NPAS3: variants seen among roughly 807,000 people sequenced by gnomAD.
NPAS3 encodes neuronal PAS domain protein 3.
Under a neutral mutation model 73.1 loss-of-function variants are expected in NPAS3, and 14 were observed. The ratio of observed to expected loss-of-function variants is 0.19; its 90% CI spans 0.13 to 0.30. NPAS3 has a LOEUF of 0.30. Among genes scored for constraint, NPAS3 ranks in the 10% least tolerant of loss-of-function variants. The pLI is 1.00. For missense variants in NPAS3, 1,096 were observed against 1,250.0 expected (o/e 0.88, Z 1.86); for synonymous variants, 620 against 541.5 (o/e 1.14, Z -2.01).
intron 5 of NPAS3, among the ~76,000 whole-genome samples, chr14:33,587,822 A>G (rs1176877700): frequency 6.6e-6 from 1 of 152,196 alleles, no homozygotes; most frequent in African/African-American, 2.4e-5. Context: ...TATCATATAA[A>G]AGTCTAAATC....
chr14:33,789,555 C>T (rs1174580859), intron 9 of NPAS3, among the ~76,000 whole-genome samples: 1 of 139,302 alleles, frequency 7.2e-6, no homozygotes, highest in African/African-American at 2.6e-5. Flanking sequence ...TTGGGATCCT[C>T]AAACTAAAAG....
rs564274625 is a variant in NPAS3 at position 32,998,251 on chromosome 14, C to T, written c.51-57654C>T. Among the ~76,000 whole-genome samples, 15 of 152,264 alleles carry T rather than the reference C, an allele frequency of 9.9e-5. 1 individual carries two copies. Among genetic ancestry groups the T allele is most frequent in the South Asian group, 6.2e-4 (3 of 4,824 alleles). On this transcript the variant is annotated intron_variant, in intron 1 of 11. Transcript: ENST00000356141. The stretch of plus-strand genomic sequence containing the variant: ...CCAGTGTGGATGAACCTCGAAACCA[C>T]GCTAAGTGAAAGAAGCCAGAAACAA...
intron 1 of NPAS3, among the ~76,000 whole-genome samples, chr14:32,965,511 C>CT (rs2037114835): frequency 6.6e-6 from 1 of 152,116 alleles, no homozygotes. Context: ...TTCAATGTTT[C>CT]TTTATTATAA....
chr14:33,570,433 C>T (rs1285962361), intron 5 of NPAS3, among the ~76,000 whole-genome samples: 1 of 152,130 alleles, frequency 6.6e-6, no homozygotes, highest in Admixed American at 6.5e-5. Flanking sequence ...GAAAAGTCTA[C>T]ACATCCCTGA....
At chr14:33,697,328 A>C (rs778102678) in intron 6 of NPAS3, among the ~76,000 whole-genome samples, 1 of 152,230 alleles carries the variant, frequency 6.6e-6, no homozygotes, top group Admixed American at 6.5e-5. Context: ...CAGAGCTTAC[A>C]TAACAGAGAA....
intron 4 of NPAS3, among the ~76,000 whole-genome samples, chr14:33,384,421 T>TA (rs771634862): frequency 0.016 from 2,276 of 146,228 alleles, 31 homozygotes; most frequent in African/African-American, 0.044. Flanking sequence ...TGTGTTTTTT[T>TA]AAAAAAAAAA....
intron 4 of NPAS3, among the ~76,000 whole-genome samples, chr14:33,481,563 T>C (rs775995357): frequency 2.6e-5 from 4 of 152,204 alleles, no homozygotes; most frequent in Non-Finnish European, 5.9e-5. Context: ...GATCATTTAC[T>C]GACATGGATT....
At chr14:33,443,125 A>G (rs2049328108) in intron 4 of NPAS3, among the ~76,000 whole-genome samples, 1 of 152,144 alleles carries the variant, frequency 6.6e-6, no homozygotes, top group East Asian at 1.9e-4. Flanking sequence ...CCTTTACTCA[A>G]GTTATTATTG....
intron 4 of NPAS3, among the ~76,000 whole-genome samples, chr14:33,554,347 C>T (rs2055256418): frequency 6.6e-6 from 1 of 152,190 alleles, no homozygotes; most frequent in Non-Finnish European, 1.5e-5. Flanking sequence ...TTGAGTATGT[C>T]AGAGATTATA....
At chr14:33,155,371 G>A (rs1374565969) in intron 2 of NPAS3, among the ~76,000 whole-genome samples, 1 of 152,048 alleles carries the variant, frequency 6.6e-6, no homozygotes, top group African/African-American at 2.4e-5. Flanking sequence ...TTTTCTCCTG[G>A]GTATTTTCAA....
chr14:33,075,387 A>G (rs1197981485), intron 2 of NPAS3, among the ~76,000 whole-genome samples: 8 of 152,204 alleles, frequency 5.3e-5, no homozygotes, highest in Non-Finnish European at 8.8e-5. Context: ...TATTTTTGCA[A>G]TTTATATTTT....
chr14:33,587,764 G>A (rs2056916470), intron 5 of NPAS3, among the ~76,000 whole-genome samples: 1 of 152,150 alleles, frequency 6.6e-6, no homozygotes, highest in East Asian at 1.9e-4. Flanking sequence ...CATTTGGGTT[G>A]GATCACTTTA....
chr14:32,947,780 G>A (rs1319230276), intron 1 of NPAS3, among the ~76,000 whole-genome samples: 1 of 152,030 alleles, frequency 6.6e-6, no homozygotes, highest in Non-Finnish European at 1.5e-5. Context: ...AATGCTGTAA[G>A]GCAAAGTAGG....
chr14:33,459,229 C>G (rs574562143), intron 4 of NPAS3, among the ~76,000 whole-genome samples: 101 of 152,254 alleles, frequency 6.6e-4, no homozygotes, highest in African/African-American at 2.4e-3. Flanking sequence ...TGCCGACCTC[C>G]CATCTCATCC....
At chr14:33,482,581 G>A (rs1594996012) in intron 4 of NPAS3, among the ~76,000 whole-genome samples, 3 of 152,238 alleles carry the variant, frequency 2.0e-5, no homozygotes, top group South Asian at 4.1e-4. Context: ...TCTAAAACCC[G>A]AATTTTCAGA....
intron 2 of NPAS3, among the ~76,000 whole-genome samples, chr14:33,166,081 G>T (rs150722160): frequency 6.6e-6 from 1 of 152,258 alleles, no homozygotes; most frequent in Non-Finnish European, 1.5e-5. Flanking sequence ...CACTACTGTC[G>T]GTGCTGTGCT....
chr14:33,477,877 C>T (rs143976334), intron 4 of NPAS3, among the ~76,000 whole-genome samples: 3 of 152,330 alleles, frequency 2.0e-5, no homozygotes, highest in Admixed American at 2.0e-4. Flanking sequence ...AATGCTTCTT[C>T]TGTGGTCATT....
intron 4 of NPAS3, among the ~76,000 whole-genome samples, chr14:33,523,895 C>T (rs185743410): frequency 4.7e-5 from 7 of 148,480 alleles, no homozygotes; most frequent in Non-Finnish European, 1.1e-4. Flanking sequence ...TGTGGGGCCA[C>T]AACACACCTA....
intron 8 of NPAS3, among the ~76,000 whole-genome samples, chr14:33,775,056 G>A (rs1294492342): frequency 6.6e-6 from 1 of 152,176 alleles, no homozygotes; most frequent in Non-Finnish European, 1.5e-5. Context: ...AAAAAAAGAT[G>A]ACTCATCATA....
Sources: gnomAD v4.1 joint callset for allele counts (sites outside exome capture counted in the v4.1 genomes callset) on GRCh38, gnomAD v4.1.1 for gene constraint, MANE v1.5 for transcripts, NCBI Gene and HGNC (gene_info 2026-07-23, HGNC 2026-07-21) for gene names.